Variants in TAOK1 observed in about 807,000 individuals in gnomAD.
TAOK1 encodes the protein serine/threonine-protein kinase TAO1.
In TAOK1, 21 loss-of-function variants were observed where a neutral mutation model predicts 138.3. The observed-to-expected ratio is 0.15, with a 90% CI of 0.11 to 0.22. The LOEUF (loss-of-function observed/expected upper bound fraction) is 0.22, where lower values mean the gene tolerates loss of function less well. TAOK1 is among the 10% of genes least tolerant of loss of function. TAOK1 has a pLI of 1.00. For synonymous variants in TAOK1, 361 were observed against 398.4 expected, an observed-to-expected ratio of 0.91 and a Z score of 1.12; for missense variants, 651 against 1,227.7, an observed-to-expected ratio of 0.53 and a Z score of 7.02.
intron 8 of TAOK1, among the ~76,000 whole-genome samples, chr17:29,488,610 T>TA (rs2031230435): frequency 8.6e-6 from 1 of 116,032 alleles, no homozygotes; most frequent in Admixed American, 8.5e-5. Flanking sequence ...TAATAATAAT[T>TA]GTTAATTTTT....
intron 17 of TAOK1, among the ~76,000 whole-genome samples, chr17:29,528,968 CTTTT>C (rs377040359): frequency 1.6e-5 from 2 of 126,940 alleles, no homozygotes; most frequent in Non-Finnish European, 1.7e-5. Flanking sequence ...GCTTTTATAT[CTTTT>C]TTTTTTTTTT....
chr17:29,410,598 A>G (rs1351722750), intron 1 of TAOK1, among the ~76,000 whole-genome samples: 3 of 137,732 alleles, frequency 2.2e-5, no homozygotes, highest in Non-Finnish European at 4.6e-5. Flanking sequence ...TGTGTTACAT[A>G]TGTGTTAGCT....
intron 1 of TAOK1, among the ~76,000 whole-genome samples, chr17:29,398,044 T>G (rs550810710): frequency 3.3e-5 from 5 of 152,082 alleles, no homozygotes; most frequent in South Asian, 4.2e-4. Context: ...ATTTTAAAGT[T>G]TTTTTCGAGA....
chr17:29,481,876 C>T (rs556472990), intron 7 of TAOK1, among the ~76,000 whole-genome samples: 4 of 152,194 alleles, frequency 2.6e-5, no homozygotes, highest in Admixed American at 2.0e-4. Context: ...AGGAGAATGG[C>T]GTGAACCCGG....
chr17:29,466,832 A>C (rs1030630483), intron 2 of TAOK1, among the ~76,000 whole-genome samples: 1 of 152,124 alleles, frequency 6.6e-6, no homozygotes, highest in Non-Finnish European at 1.5e-5. Context: ...ATTAGCATAG[A>C]CTTTTATACA....
At chr17:29,480,681 C>G (rs544813440) in intron 7 of TAOK1, among the ~76,000 whole-genome samples, 200 bp downstream of exon 7, 4 of 151,820 alleles carry the variant, frequency 2.6e-5, no homozygotes, top group Non-Finnish European at 5.9e-5. Flanking sequence ...CCAGCCTGGC[C>G]AACATGGTGA....
At chr17:29,477,755 AT>A in intron 5 of TAOK1, 49 bp downstream of exon 5, 1 of 1,169,924 alleles carries the variant, frequency 8.5e-7, no homozygotes, top group Non-Finnish European at 1.1e-6. Flanking sequence ...GAATAAAATG[AT>A]AATTTAGACA....
intron 19 of TAOK1, among the ~76,000 whole-genome samples, chr17:29,536,258 C>T (rs1256614519): frequency 6.6e-6 from 1 of 151,850 alleles, no homozygotes; most frequent in Non-Finnish European, 1.5e-5. Flanking sequence ...GAGATGGCGC[C>T]ACTGCACTCC....
At position 29,397,619 on chromosome 17, in the gene TAOK1, T is replaced by C. The variant is rs1267759875; in HGVS notation, c.-95+6595T>C. Reference sequence around the variant, plus strand: ...TTCCGTCCCCCCCCAAAAAAATATATATATATATATACATGTATACATGTA... The same window carrying C: ...TTCCGTCCCCCCCCAAAAAAATATACATATATATATACATGTATACATGTA... On this transcript the variant is annotated intron_variant, in intron 1 of 19. Coordinates refer to ENST00000261716, the MANE Select transcript of TAOK1 (RefSeq NM_020791.4). Among the ~76,000 whole-genome samples, 2 of 70,336 alleles carry C rather than the reference T, an allele frequency of 2.8e-5. 1 individual carries two copies. Among genetic ancestry groups the C allele is most frequent in the Non-Finnish European group, 5.6e-5 (2 of 35,720 alleles). The allele number at this position is 70,336 out of a possible 152,430, so 46.1% of individuals were successfully genotyped here.
chr17:29,424,384 C>T (rs1188161581), intron 1 of TAOK1, among the ~76,000 whole-genome samples: 1 of 148,480 alleles, frequency 6.7e-6, no homozygotes, highest in Non-Finnish European at 1.5e-5. Context: ...TTGGAGTGAC[C>T]CAAGATCCCG....
At chr17:29,482,410 C>A in intron 8 of TAOK1, 122 bp downstream of exon 8, 2 of 763,390 alleles carry the variant, frequency 2.6e-6, no homozygotes, top group Non-Finnish European at 4.2e-6. Context: ...GGGGGCAATA[C>A]ATTTATTAAG....
Position 29,484,771 on chromosome 17 carries a change from A to AT in TAOK1, c.655+2490dup, listed in dbSNP as rs1410736189. ...GGGTGCCTGCCACCACGCCCAGCTAATTTTTTTATTTTTAGTAGAGATAGG... is the reference window on the plus strand; with the variant it reads ...GGGTGCCTGCCACCACGCCCAGCTAATTTTTTTTATTTTTAGTAGAGATAGG... On this transcript the variant is annotated intron_variant, in intron 8 of 19. Transcript: ENST00000261716. Among the ~76,000 whole-genome samples, 11 of 151,876 alleles carry AT rather than the reference A, an allele frequency of 7.2e-5. No homozygotes were observed. The East Asian group carries it at 9.7e-4, about 13-fold the overall frequency.
intron 1 of TAOK1, among the ~76,000 whole-genome samples, chr17:29,399,315 AT>A (rs917941587): frequency 2.5e-4 from 37 of 150,008 alleles, no homozygotes; most frequent in African/African-American, 8.3e-4. Context: ...TATTGGATTT[AT>A]TTTTATTTAT....
chr17:29,425,874 G>GCTTGT (rs1555558908), intron 1 of TAOK1, among the ~76,000 whole-genome samples: 1 of 151,644 alleles, frequency 6.6e-6, no homozygotes, highest in Non-Finnish European at 1.5e-5. Flanking sequence ...GGTTTTTTTT[G>GCTTGT]TTTGTTTTGT....
intron 19 of TAOK1, among the ~76,000 whole-genome samples, chr17:29,535,975 C>T (rs2032214171): frequency 6.6e-6 from 1 of 152,104 alleles, no homozygotes; most frequent in African/African-American, 2.4e-5. Flanking sequence ...TAAATATTAT[C>T]TCAATTTTAT....
intron 15 of TAOK1, among the ~76,000 whole-genome samples, chr17:29,515,932 T>C (rs1365343663): frequency 6.6e-6 from 1 of 152,104 alleles, no homozygotes; most frequent in Non-Finnish European, 1.5e-5. Context: ...TTTATTTGTT[T>C]ATTTTAATTT....
At chr17:29,425,870 T>G (rs1344281532) in intron 1 of TAOK1, among the ~76,000 whole-genome samples, 1 of 152,142 alleles carries the variant, frequency 6.6e-6, no homozygotes, top group East Asian at 1.9e-4. Flanking sequence ...ATCAGGTTTT[T>G]TTTGTTTGTT....
chr17:29,481,946 C>T (rs955234985), intron 7 of TAOK1, among the ~76,000 whole-genome samples: 13 of 152,030 alleles, frequency 8.6e-5, no homozygotes, highest in African/African-American at 1.9e-4. Flanking sequence ...GGTGACAGAG[C>T]GAGACTCTGT....
intron 1 of TAOK1, among the ~76,000 whole-genome samples, chr17:29,422,168 A>G (rs1176584385): frequency 2.7e-5 from 4 of 150,430 alleles, no homozygotes; most frequent in African/African-American, 9.8e-5. Context: ...AAGTGCTGGG[A>G]TTACAGGCAT....
Sources: allele counts gnomAD v4.1 joint callset (sites outside exome capture counted in the v4.1 genomes callset), GRCh38; gene constraint gnomAD v4.1.1; transcripts MANE v1.5; gene names NCBI Gene and HGNC (gene_info 2026-07-23, HGNC 2026-07-21).